The following TLN2 variants were observed in gnomAD, a reference collection of about 807,000 sequenced individuals.
TLN2 encodes talin-2.
Under a neutral mutation model 294.7 loss-of-function variants are expected in TLN2, and 118 were observed. The ratio of observed to expected loss-of-function variants is 0.40; its 90% CI spans 0.34 to 0.47. The LOEUF is 0.47. Ranked by LOEUF, TLN2 falls within the 20% of genes least tolerant of loss-of-function variation. TLN2 has a pLI of 0.84. For missense variants in TLN2, 3,083 were observed against 3,282.2 expected, an observed-to-expected ratio of 0.94 and a Z score of 1.48; for synonymous variants, 1,431 against 1,304.5, an observed-to-expected ratio of 1.10 and a Z score of -2.09.
intron 1 of TLN2, among the ~76,000 whole-genome samples, chr15:62,491,059 C>T (rs975301815): frequency 2.6e-5 from 4 of 152,118 alleles, no homozygotes; most frequent in African/African-American, 7.2e-5. Context: ...TGGTGGCTCA[C>T]GCCTGTAATC....
chr15:62,716,400 G>T lies in TLN2; in HGVS notation c.2704G>T (p.Val902Leu), dbSNP rs1306757301. 1 of 1,611,990 alleles carries T rather than the reference G, an allele frequency of 6.2e-7. No homozygotes were observed. Among genetic ancestry groups the T allele is most frequent in the Non-Finnish European group, 8.5e-7 (1 of 1,179,230 alleles). The change falls in exon 23 of 59, where the codon GTA becomes TTA. Residue 902 changes from valine to leucine, a missense_variant. Transcript: ENST00000636159. The part of the protein sequence containing the change: ...RLREAAEGLR[V>L]ATNAAAQNAI... ...GAGAGAAGCTGCAGAAGGCCTCCGGGTAGCAACCAACGCAGCTGCCCAGAA... is the reference window on the plus strand; with the variant it reads ...GAGAGAAGCTGCAGAAGGCCTCCGGTTAGCAACCAACGCAGCTGCCCAGAA...
intron 3 of TLN2, chr15:62,637,768 T>C (rs2050539978): frequency 6.6e-6 from 1 of 151,738 alleles, no homozygotes; most frequent in Non-Finnish European, 1.5e-5. Context: ...GCTCTGAGAG[T>C]TGAGGGGAGC....
intron 1 of TLN2, among the ~76,000 whole-genome samples, chr15:62,421,462 A>C (rs1407995360): frequency 6.6e-6 from 1 of 152,208 alleles, no homozygotes; most frequent in African/African-American, 2.4e-5. Context: ...AGGAACTTAA[A>C]ATGAGTGTTG....
At chr15:62,667,227 A>G (rs537323658) in intron 9 of TLN2, among the ~76,000 whole-genome samples, 2 of 152,002 alleles carry the variant, frequency 1.3e-5, no homozygotes, top group African/African-American at 4.8e-5. Flanking sequence ...TGGCCTCCCA[A>G]AGTGCTGGGA....
At chr15:62,666,276 G>T (rs1427662231) in intron 9 of TLN2, among the ~76,000 whole-genome samples, 1 of 152,200 alleles carries the variant, frequency 6.6e-6, no homozygotes, top group Non-Finnish European at 1.5e-5. Context: ...TTGTCAGTGT[G>T]ATAGCGCTAA....
chr15:62,430,255 T>A (rs1399539161), intron 1 of TLN2, among the ~76,000 whole-genome samples: 1 of 152,236 alleles, frequency 6.6e-6, no homozygotes. Context: ...TCTAGAAAGT[T>A]AAACAACTGT....
chr15:62,692,878 A>C lies in TLN2; in HGVS notation c.1152A>C (p.Gln384His), dbSNP rs1444575407. The C allele has an allele frequency of 3.7e-6, 6 of 1,613,664 alleles. No homozygotes were observed. The highest frequency in any genetic ancestry group is 4.5e-5 in the East Asian group (2 of 44,870). ...GEYQESYYSVQTTEGEQISQL... is the reference protein window; with the variant it reads ...GEYQESYYSVHTTEGEQISQL... The stretch of plus-strand genomic sequence containing the variant: ...ATCAGGAAAGCTACTATTCAGTACA[A>C]ACCACCGAGGGAGAGCAGATATCCC... Residue 384 changes from glutamine to histidine, a missense_variant, in exon 13 of 59, where the codon CAA becomes CAC. Transcript: ENST00000636159.
intron 40 of TLN2, among the ~76,000 whole-genome samples, chr15:62,764,299 G>A (rs370232140): frequency 1.3e-5 from 2 of 151,950 alleles, no homozygotes; most frequent in African/African-American, 2.4e-5. Flanking sequence ...CTGTCCAAAG[G>A]TTCCTGATTT....
chr15:62,597,558 C>T (rs551045018), intron 2 of TLN2, among the ~76,000 whole-genome samples: 1 of 152,156 alleles, frequency 6.6e-6, no homozygotes, highest in Non-Finnish European at 1.5e-5. Context: ...TCTCACAGCC[C>T]GCCCTCCTTG....
At chr15:62,603,691 T>C (rs1383136338) in intron 2 of TLN2, among the ~76,000 whole-genome samples, 1 of 152,222 alleles carries the variant, frequency 6.6e-6, no homozygotes, top group Non-Finnish European at 1.5e-5. Context: ...GTCTACAGAC[T>C]ACTGGGATTG....
chr15:62,838,060 G>C (rs182071526), intron 57 of TLN2: 1 of 152,264 alleles, frequency 6.6e-6, no homozygotes, highest in Admixed American at 6.5e-5. Context: ...GCCAATACAG[G>C]CAATAGCCCT....
intron 24 of TLN2, among the ~76,000 whole-genome samples, chr15:62,718,012 T>G (rs1217386137): frequency 6.6e-6 from 1 of 152,194 alleles, no homozygotes; most frequent in Non-Finnish European, 1.5e-5. Flanking sequence ...CAGAGTGCCT[T>G]TCTTTGAGAG....
chr15:62,698,660 T>G, intron 15 of TLN2, 94 bp from the exon 16 acceptor site: 1 of 1,001,612 alleles, frequency 1.0e-6, no homozygotes, highest in South Asian at 1.4e-5. Flanking sequence ...TGCTTTGTCT[T>G]GAGTGCAGAG....
intron 40 of TLN2, among the ~76,000 whole-genome samples, chr15:62,764,971 TAAAAAA>T (rs5813170): frequency 2.8e-5 from 3 of 108,908 alleles, no homozygotes; most frequent in Non-Finnish European, 3.6e-5. Flanking sequence ...GACTCCATCT[TAAAAAA>T]AAAAAAAAAA....
Position 62,833,542 on chromosome 15 carries a change from G to C in TLN2, c.7041G>C (p.Leu2347Phe), listed in dbSNP as rs945859433. The C allele has an allele frequency of 1.2e-6, 2 of 1,614,144 alleles. No homozygotes were observed. Residue 2347 changes from leucine (L) to phenylalanine (F), a missense_variant, in exon 55 of 59, where the codon TTG (leucine) becomes TTC (phenylalanine). Physicochemically the swap from Leu to Phe is conservative, Grantham distance 22. Coordinates refer to ENST00000636159, the MANE Select transcript of TLN2 (RefSeq NM_015059.3). ...CCCTGGACTTTGAGGAACAGATCTT[G>C]GAAGCTGCTAAATCCATTGCTGCTG... Reference protein sequence around the residue: ...DETLDFEEQILEAAKSIAAAT... With the variant: ...DETLDFEEQIFEAAKSIAAAT...
intron 1 of TLN2, among the ~76,000 whole-genome samples, chr15:62,432,164 A>G (rs567528564): frequency 6.6e-6 from 1 of 152,114 alleles, no homozygotes; most frequent in Non-Finnish European, 1.5e-5. Flanking sequence ...TCTTTATTAG[A>G]TTTTTTATCG....
At chr15:62,812,045 A>ATAAAT (rs1555517247) in intron 52 of TLN2, among the ~76,000 whole-genome samples, 2 of 151,734 alleles carry the variant, frequency 1.3e-5, no homozygotes, top group Non-Finnish European at 2.9e-5. Flanking sequence ...AAATAAATAA[A>ATAAAT]TAAATAAATA....
chr15:62,434,144 A>G (rs2035168201), intron 1 of TLN2, among the ~76,000 whole-genome samples: 1 of 152,228 alleles, frequency 6.6e-6, no homozygotes, highest in Non-Finnish European at 1.5e-5. Context: ...CTTTGCTCCA[A>G]TCCATCCACT....
intron 6 of TLN2, 45 bp from the exon 7 acceptor site, chr15:62,653,117 A>C (rs1372453383): frequency 6.8e-7 from 1 of 1,461,390 alleles, no homozygotes; most frequent in Non-Finnish European, 9.2e-7. Flanking sequence ...AGAGGTTGAC[A>C]GCAGTTTAAT....
Sources: allele counts gnomAD v4.1 joint callset (sites outside exome capture counted in the v4.1 genomes callset), GRCh38; gene constraint gnomAD v4.1.1; transcripts MANE v1.5; gene names NCBI Gene and HGNC (gene_info 2026-07-23, HGNC 2026-07-21).